Variants in AKR1B15 observed in about 807,000 individuals in gnomAD.
The protein encoded by AKR1B15 is estradiol 17-beta-dehydrogenase AKR1B15.
Under a neutral mutation model 38.5 loss-of-function variants are expected in AKR1B15, and 49 were observed. The ratio of observed to expected loss-of-function variants is 1.27; its 90% confidence interval spans 1.01 to 1.62. The LOEUF (loss-of-function observed/expected upper bound fraction) is 1.62, where lower values mean the gene tolerates loss of function less well. Ranked by LOEUF, AKR1B15 falls within the 40% of genes most tolerant of loss-of-function variation. AKR1B15 has a pLI of 0.00. For missense variants in AKR1B15, 411 were observed against 381.6 expected, an observed-to-expected ratio of 1.08 and a Z score of -0.64; for synonymous variants, 137 against 135.5, an observed-to-expected ratio of 1.01 and a Z score of -0.08.
chr7:134,576,389 A>T lies in AKR1B15; in HGVS notation c.784A>T (p.Ile262Phe). 6.2e-7 allele frequency: 1 copy of T among 1,614,126 alleles called. No individual in the cohort carries two copies. Among genetic ancestry groups the T allele is most frequent in the Admixed American group, 1.7e-5 (1 of 60,026 alleles). Reference sequence around the variant, plus strand: ...CCCTTCCCTGCTGGAGGATCCCAAGATTAAGGAGATTGCTGCAAAGCACAA... The same window carrying T: ...CCCTTCCCTGCTGGAGGATCCCAAGTTTAAGGAGATTGCTGCAAAGCACAA... ...EDPSLLEDPK[I>F]KEIAAKHKKT... The change falls in exon 9 of 12, where the codon ATT (isoleucine) becomes TTT (phenylalanine). Residue 262 changes from isoleucine (I) to phenylalanine (F), a missense_variant. Physicochemically the swap from Ile to Phe is conservative, Grantham distance 21 (BLOSUM62 0). This residue lies in a region of AKR1B15 where 133 missense variants were observed against 120.3 expected (regional missense o/e 1.11). Transcript: ENST00000457545.
chr7:134,565,750 A>G (rs558193646), intron 3 of AKR1B15, among the ~76,000 whole-genome samples: 1 of 152,266 alleles, frequency 6.6e-6, no homozygotes, highest in Admixed American at 6.5e-5. Context: ...CCCAGCAGTG[A>G]TGAGAACTCC....
rs557257673 is a variant in AKR1B15, at chr7:134,575,272, G to A, written c.514-148G>A. 5.4e-5 allele frequency: 72 copies of A among 1,333,512 alleles called. No individual in the cohort carries two copies. The South Asian group carries it at 1.2e-3, about 22-fold the overall frequency. 82.6% of individuals were successfully genotyped at this position (1,333,512 alleles called of 1,614,324 possible). On this transcript the variant is annotated intron_variant, in intron 6 of 11. Coordinates refer to ENST00000457545, the MANE Select transcript of AKR1B15 (RefSeq NM_001080538.3). ...GGAACCAATCACTGATGGGCACCCA[G>A]GCCCTGGACTGAAATTTCCTGTGAA...
chr7:134,553,620 G>C (rs1464016675), intron 1 of AKR1B15, among the ~76,000 whole-genome samples: 1 of 152,176 alleles, frequency 6.6e-6, no homozygotes, highest in Non-Finnish European at 1.5e-5. Context: ...AAGTGCTTCT[G>C]GCAAATGGAT....
chr7:134,553,025 C>T (rs1794042870), intron 1 of AKR1B15, among the ~76,000 whole-genome samples: 1 of 148,842 alleles, frequency 6.7e-6, no homozygotes, highest in Non-Finnish European at 1.5e-5. Context: ...TTCAGGAATT[C>T]GGGTATCAGG....
intron 1 of AKR1B15, among the ~76,000 whole-genome samples, chr7:134,553,611 A>G (rs1457187563): frequency 6.6e-6 from 1 of 152,220 alleles, no homozygotes; most frequent in Non-Finnish European, 1.5e-5. Flanking sequence ...CTTGCTACAA[A>G]GTGCTTCTGG....
chr7:134,576,694 G>A (rs866012438), intron 9 of AKR1B15, among the ~76,000 whole-genome samples: 91 of 151,708 alleles, frequency 6.0e-4, no homozygotes, highest in Admixed American at 1.1e-3. Flanking sequence ...GGATATGGGT[G>A]CAGATGCCAA....
rs1259326252 is a variant in AKR1B15, at chr7:134,575,224, G to C, written c.514-196G>C. Among the ~76,000 whole-genome samples the C allele has an allele frequency of 1.2e-4, 19 of 152,204 alleles. No individual in the cohort carries two copies. In the South Asian group the frequency reaches 3.7e-3, roughly 30 times the overall value. On this transcript the variant is annotated intron_variant, in intron 6 of 11. Transcript: ENST00000457545. ...TACCTGTTAGTTTTAGATTTTCTTGGGCTGGGGAGGGGCAGTAGGGCTGGA... is the reference window on the plus strand; with the variant it reads ...TACCTGTTAGTTTTAGATTTTCTTGCGCTGGGGAGGGGCAGTAGGGCTGGA...
chr7:134,576,504 C>T, intron 9 of AKR1B15, 74 bp downstream of exon 9: 9 of 1,530,842 alleles, frequency 5.9e-6, no homozygotes, highest in South Asian at 5.8e-5. Context: ...TCGTGTTGTC[C>T]TCAACTGACT....
intron 1 of AKR1B15, among the ~76,000 whole-genome samples, chr7:134,550,868 G>A (rs1216215109): frequency 6.6e-6 from 1 of 152,124 alleles, no homozygotes; most frequent in East Asian, 1.9e-4. Context: ...GGAACTGGGT[G>A]GCCCCCAGAC....
chr7:134,573,748 A>G (rs1220530817), intron 6 of AKR1B15, among the ~76,000 whole-genome samples: 2 of 152,174 alleles, frequency 1.3e-5, no homozygotes, highest in African/African-American at 4.8e-5. Context: ...TCCAAACTCT[A>G]CTTCCCAATT....
Position 134,549,181 on chromosome 7 carries a change from G to C in AKR1B15, c.-215G>C, listed in dbSNP as rs1244689148. The C allele has an allele frequency of 6.6e-6, 1 of 152,496 alleles. No homozygotes were observed. The highest frequency in any genetic ancestry group is 1.5e-5 in the Non-Finnish European group (1 of 68,098). 9.4% of individuals were successfully genotyped at this position (152,496 alleles called of 1,614,324 possible). ...CCACAGGCCACTGTCTTCTGGAGGG[G>C]AACGGATCGACTGCCGGTGCGCCCA... On this transcript the variant is annotated 5_prime_UTR_variant, in exon 1 of 12. Transcript: ENST00000457545.
intron 2 of AKR1B15, among the ~76,000 whole-genome samples, chr7:134,562,862 C>CTTTCTTTCTTTCTTTCTT (rs1794444441): frequency 7.0e-6 from 1 of 142,974 alleles, no homozygotes; most frequent in Non-Finnish European, 1.5e-5. Flanking sequence ...TTCTTTCTTT[C>CTTTCTTTCTTTCTTTCTT]TTTCTTTCTT....
rs1794668535 is a variant in AKR1B15 at position 134,571,618 on chromosome 7, T to C, written c.450T>C (p.Phe150=). The C allele has an allele frequency of 6.2e-7, 1 of 1,613,520 alleles. No individual in the cohort carries two copies. Among genetic ancestry groups the C allele is most frequent in the African/African-American group, 1.3e-5 (1 of 75,020 alleles). ...TGTATTTACAGACTGGGGATGACTT[T>C]TTCCCCAAAGATGATAAAGGTAATA... ...WPQGFKTGDD[F]FPKDDKGNMI... Residue 150 remains phenylalanine (F), a synonymous_variant, in exon 6 of 12, where the codon TTT becomes TTC. Coordinates refer to ENST00000457545, the MANE Select transcript of AKR1B15 (RefSeq NM_001080538.3).
intron 6 of AKR1B15, among the ~76,000 whole-genome samples, chr7:134,572,981 T>A (rs1262037864): frequency 1.1e-4 from 17 of 152,192 alleles, no homozygotes; most frequent in Non-Finnish European, 1.8e-4. Context: ...ATGATTCAAT[T>A]AAATGTAGTT....
chr7:134,573,477 A>G (rs1412237872), intron 6 of AKR1B15: 12 of 985,344 alleles, frequency 1.2e-5, no homozygotes, highest in Middle Eastern at 5.2e-4. Context: ...TTTGAAAGGC[A>G]TGAAAAGATA....
intron 5 of AKR1B15, chr7:134,570,064 C>T (rs1201284244): frequency 6.5e-6 from 1 of 153,944 alleles, no homozygotes; most frequent in African/African-American, 2.4e-5. Flanking sequence ...TTCTTTTTCT[C>T]AGCAAGGAAC....
At chr7:134,575,684 A>C (rs1190775315) in intron 7 of AKR1B15, 137 bp from the exon 8 acceptor site, 1 of 1,578,502 alleles carries the variant, frequency 6.3e-7, no homozygotes, top group Non-Finnish European at 8.6e-7. Flanking sequence ...GGCTGATCTC[A>C]TGGGTGATTT....
intron 4 of AKR1B15, among the ~76,000 whole-genome samples, chr7:134,568,760 A>T (rs935538833): frequency 6.6e-5 from 10 of 152,096 alleles, no homozygotes; most frequent in Admixed American, 6.6e-4. Context: ...GATTTTCTTT[A>T]TTCAGTCTAG....
chr7:134,576,277 C>T (rs1284589792), intron 8 of AKR1B15, 72 bp from the exon 9 acceptor site: 18 of 1,491,586 alleles, frequency 1.2e-5, no homozygotes, highest in Non-Finnish European at 1.7e-5. Flanking sequence ...TCTTGAGACC[C>T]TCATTGGAGT....
Sources: allele counts gnomAD v4.1 joint callset (sites outside exome capture counted in the v4.1 genomes callset), GRCh38; gene constraint gnomAD v4.1.1; regional missense constraint gnomAD v4.1.1; transcripts MANE v1.5; gene names NCBI Gene and HGNC (gene_info 2026-07-23, HGNC 2026-07-21).